The following ARHGAP10 variants were observed in gnomAD, a reference collection of about 807,000 sequenced individuals.
ARHGAP10 encodes Rho GTPase activating protein 10, also known as rho GTPase-activating protein 10.
A neutral mutation model predicts 108.6 loss-of-function variants in ARHGAP10; 87 were observed. The ratio of observed to expected loss-of-function variants is 0.80; its 90% CI spans 0.67 to 0.96. ARHGAP10 has a LOEUF of 0.96. Among genes scored for constraint, ARHGAP10 ranks in the 40% least tolerant of loss-of-function variants. ARHGAP10 has a pLI of 0.00. For synonymous variants in ARHGAP10, 347 were observed against 341.1 expected (o/e 1.02, Z -0.19); for missense variants, 939 against 954.5 (o/e 0.98, Z 0.21).
At chr4:147,978,680 G>A (rs951145380) in intron 18 of ARHGAP10, among the ~76,000 whole-genome samples, 2 of 152,132 alleles carry the variant, frequency 1.3e-5, no homozygotes, top group African/African-American at 4.8e-5. Flanking sequence ...ACAGCCTGTG[G>A]AACTGTGAGT....
intron 22 of ARHGAP10, among the ~76,000 whole-genome samples, chr4:148,069,634 G>T (rs1185374589): frequency 6.6e-6 from 1 of 152,214 alleles, no homozygotes; most frequent in Non-Finnish European, 1.5e-5. Flanking sequence ...GCATGTGCAG[G>T]TGAGACTATA....
intron 19 of ARHGAP10, among the ~76,000 whole-genome samples, chr4:148,033,629 A>G (rs1728247903): frequency 6.6e-6 from 1 of 152,190 alleles, no homozygotes; most frequent in African/African-American, 2.4e-5. Flanking sequence ...GCATACATTT[A>G]TATGTGTTTA....
At chr4:147,842,809 A>G (rs1049360441) in intron 3 of ARHGAP10, among the ~76,000 whole-genome samples, 1 of 151,950 alleles carries the variant, frequency 6.6e-6, no homozygotes, top group Admixed American at 6.6e-5. Context: ...TCTTAGAAAC[A>G]CTCGCCTGGG....
At chr4:148,021,449 T>C (rs375581208) in intron 18 of ARHGAP10, among the ~76,000 whole-genome samples, 208 of 152,368 alleles carry the variant, frequency 1.4e-3, no homozygotes, top group African/African-American at 4.5e-3. Context: ...TTGGATATAC[T>C]GGCTGTGTGT....
chr4:148,024,090 C>A (rs939948905), intron 19 of ARHGAP10, among the ~76,000 whole-genome samples: 1 of 152,196 alleles, frequency 6.6e-6, no homozygotes, highest in Non-Finnish European at 1.5e-5. Context: ...CTGATCCATA[C>A]AAAACAAGAC....
chr4:147,769,589 C>T (rs946833421), intron 1 of ARHGAP10, among the ~76,000 whole-genome samples: 2 of 152,144 alleles, frequency 1.3e-5, no homozygotes, highest in African/African-American at 4.8e-5. Context: ...TTAATACTTA[C>T]GGTGATCACC....
rs1003730071 is a variant in ARHGAP10, at chr4:147,777,262, C to CTT, written c.154+44821_154+44822dup. Among the ~76,000 whole-genome samples the CTT allele has an allele frequency of 3.1e-3, 428 of 137,410 alleles. 5 individuals are homozygous for CTT. Among genetic ancestry groups the CTT allele is most frequent in the Non-Finnish European group, 4.6e-3 (290 of 62,744 alleles). The allele number at this position is 137,410 out of a possible 152,430, so 90.1% of individuals were successfully genotyped here. A position where few individuals can be genotyped will look rare whatever the true frequency, so the allele number is the denominator to read the frequency against. ...AATCGTCTGGGTAGGGTGTGATTTT[C>CTT]TTTTTTTTTTTTTTTAGACGGAGTC... On this transcript the variant is annotated intron_variant, in intron 1 of 22. Transcript: ENST00000336498.
intron 18 of ARHGAP10, among the ~76,000 whole-genome samples, chr4:148,020,709 G>A (rs1741535915): frequency 6.6e-6 from 1 of 152,052 alleles, no homozygotes; most frequent in African/African-American, 2.4e-5. Flanking sequence ...GGGCATTTGG[G>A]TTGATTCCAT....
chr4:147,990,813 T>C (rs1024315092), intron 18 of ARHGAP10, among the ~76,000 whole-genome samples: 15 of 152,056 alleles, frequency 9.9e-5, no homozygotes, highest in Non-Finnish European at 2.1e-4. Flanking sequence ...CAAAACTGCC[T>C]ATTAGACCCT....
intron 5 of ARHGAP10, chr4:147,863,214 C>T (rs1579130325): frequency 6.6e-6 from 1 of 152,146 alleles, no homozygotes; most frequent in East Asian, 1.9e-4. Flanking sequence ...AAAATCTTCC[C>T]AGACTGCAGC....
chr4:147,910,923 C>G (rs1736703345), intron 12 of ARHGAP10, among the ~76,000 whole-genome samples: 1 of 151,870 alleles, frequency 6.6e-6, no homozygotes, highest in Admixed American at 6.6e-5. Context: ...CCCTGAGGCA[C>G]CTTCTTACCC....
intron 13 of ARHGAP10, among the ~76,000 whole-genome samples, chr4:147,936,317 C>CTTT (rs765432394): frequency 0.026 from 2,496 of 97,690 alleles, 10 homozygotes; most frequent in Non-Finnish European, 0.034. Flanking sequence ...CTTTTCCTCT[C>CTTT]TTTTTTTTTT....
chr4:147,791,192 G>C (rs1237933523), intron 1 of ARHGAP10, among the ~76,000 whole-genome samples: 1 of 149,694 alleles, frequency 6.7e-6, no homozygotes. Context: ...GCTCACTGCA[G>C]CCTCTGTGTC....
intron 19 of ARHGAP10, among the ~76,000 whole-genome samples, chr4:148,030,117 A>T (rs955450373): frequency 7.0e-6 from 1 of 143,444 alleles, no homozygotes; most frequent in Non-Finnish European, 1.5e-5. Context: ...GTGGAGGAGG[A>T]AAAAAAAAAA....
chr4:147,771,340 A>G (rs1482919627), intron 1 of ARHGAP10, among the ~76,000 whole-genome samples: 1 of 152,172 alleles, frequency 6.6e-6, no homozygotes, highest in Non-Finnish European at 1.5e-5. Flanking sequence ...TTTTGTGGGT[A>G]CACAGTAGGT....
intron 3 of ARHGAP10, among the ~76,000 whole-genome samples, chr4:147,839,029 C>G (rs2126807395): frequency 6.6e-6 from 1 of 152,188 alleles, no homozygotes; most frequent in African/African-American, 2.4e-5. Context: ...TTACACGAGG[C>G]AAGTTCTTTT....
At chr4:147,799,730 T>TA (rs1473717581) in intron 1 of ARHGAP10, among the ~76,000 whole-genome samples, 1 of 152,242 alleles carries the variant, frequency 6.6e-6, no homozygotes, top group East Asian at 1.9e-4. Flanking sequence ...TATAATTGAT[T>TA]ATTGAAGCAC....
intron 10 of ARHGAP10, 146 bp from the exon 11 acceptor site, chr4:147,906,492 A>G (rs766588287): frequency 1.7e-5 from 12 of 698,314 alleles, no homozygotes; most frequent in Admixed American, 1.4e-4. Flanking sequence ...TCTACACTTA[A>G]AAATCGTTAA....
chr4:148,015,357 T>A (rs1205995135), intron 18 of ARHGAP10, among the ~76,000 whole-genome samples: 1 of 152,168 alleles, frequency 6.6e-6, no homozygotes, highest in Non-Finnish European at 1.5e-5. Context: ...TGACTAGTGG[T>A]ATGAATATGA....
Sources: gnomAD v4.1 joint callset for allele counts (sites outside exome capture counted in the v4.1 genomes callset) on GRCh38, gnomAD v4.1.1 for gene constraint, MANE v1.5 for transcripts, NCBI Gene and HGNC (gene_info 2026-07-23, HGNC 2026-07-21) for gene names.